Variants in DACH1 observed in about 807,000 individuals in gnomAD.
The protein encoded by DACH1 is dachshund homolog 1.
A neutral mutation model predicts 54.2 loss-of-function variants in DACH1; 12 were observed. The observed-to-expected ratio is 0.22, with a 90% confidence interval of 0.14 to 0.36. DACH1 has a LOEUF of 0.36. DACH1 is among the 10% of genes least tolerant of loss of function. The probability of loss-of-function intolerance (pLI) is 1.00; values close to 1 mark genes in which losing one functional copy is unlikely to be tolerated. For missense variants in DACH1, 805 were observed against 929.8 expected (o/e 0.87, Z 1.75); for synonymous variants, 386 against 366.2 (o/e 1.05, Z -0.62).
At chr13:71,743,089 T>G (rs9572777) in intron 1 of DACH1, among the ~76,000 whole-genome samples, 14,750 of 152,136 alleles carry the variant, frequency 0.097, 1,236 homozygotes, top group East Asian at 0.31. Context: ...TCCAATTGCA[T>G]AGAGACCAAG....
intron 6 of DACH1, among the ~76,000 whole-genome samples, chr13:71,555,580 A>T (rs531668605): frequency 1.4e-4 from 22 of 152,120 alleles, no homozygotes; most frequent in Admixed American, 1.4e-3. Flanking sequence ...TGACCTCGTG[A>T]TCTGCCTGCC....
chr13:71,675,104 G>A (rs1291930408), intron 2 of DACH1: 3 of 1,575,812 alleles, frequency 1.9e-6, no homozygotes, highest in African/African-American at 2.7e-5. Flanking sequence ...TCGACCGGTG[G>A]TAAAGCACCC....
chr13:71,853,735 CAAATGA>C (rs1270411429), intron 1 of DACH1, among the ~76,000 whole-genome samples: 2 of 152,108 alleles, frequency 1.3e-5, no homozygotes, highest in Non-Finnish European at 2.9e-5. Flanking sequence ...TCCTTTCAAT[CAAATGA>C]AAAAGTAGAA....
At chr13:71,683,009 G>A (rs1055771777) in intron 1 of DACH1, among the ~76,000 whole-genome samples, 10 of 152,066 alleles carry the variant, frequency 6.6e-5, no homozygotes, top group African/African-American at 2.2e-4. Flanking sequence ...TCATAAATAA[G>A]CATTTTCATG....
intron 7 of DACH1, among the ~76,000 whole-genome samples, chr13:71,486,392 T>C (rs1466382959): frequency 6.6e-6 from 1 of 152,120 alleles, no homozygotes; most frequent in African/African-American, 2.4e-5. Flanking sequence ...ATTACCCATA[T>C]TAGAATTTGG....
rs141686986 is a variant in DACH1 at position 71,573,793 on chromosome 13, G to A, written c.1127-781C>T. On this transcript the variant is annotated intron_variant, in intron 3 of 10. Coordinates refer to ENST00000613252, the MANE Select transcript of DACH1 (RefSeq NM_080759.6). Reference sequence around the variant, plus strand: ...CAAAATTAAAAAAATATATATTCCGGCAACATTTAACCTAGTGGTGGAGTC... The same window carrying A: ...CAAAATTAAAAAAATATATATTCCGACAACATTTAACCTAGTGGTGGAGTC... Among the ~76,000 whole-genome samples the A allele has an allele frequency of 6.5e-3, 989 of 151,970 alleles. 6 individuals carry two copies. Among genetic ancestry groups the A allele is most frequent in the Middle Eastern group, 0.014 (4 of 294 alleles).
chr13:71,630,661 C>T lies in DACH1; in HGVS notation c.1021G>A (p.Ala341Thr). ...AATTTGATTTTTTTCACCTTCATTGCTTCAGCAATAGCTGCATTGGTAGCA... is the reference window on the plus strand; with the variant it reads ...AATTTGATTTTTTTCACCTTCATTGTTTCAGCAATAGCTGCATTGGTAGCA... ...AAATNAAIAE[A>T]MKVKKIKLEA... Residue 341 changes from alanine (A) to threonine (T), a missense_variant, in exon 3 of 11, where the codon GCA becomes ACA. Transcript: ENST00000613252. The T allele has an allele frequency of 6.2e-7, 1 of 1,611,708 alleles. No homozygotes were observed. Among genetic ancestry groups the T allele is most frequent in the South Asian group, 1.1e-5 (1 of 90,702 alleles).
chr13:71,821,718 CCA>C (rs1368595183), intron 1 of DACH1, among the ~76,000 whole-genome samples: 1 of 152,012 alleles, frequency 6.6e-6, no homozygotes, highest in Non-Finnish European at 1.5e-5. Flanking sequence ...TTTAAGATAT[CCA>C]CAGTCTCTTT....
At chr13:71,517,746 C>T (rs1030250888) in intron 6 of DACH1, among the ~76,000 whole-genome samples, 1 of 151,846 alleles carries the variant, frequency 6.6e-6, no homozygotes, top group South Asian at 2.1e-4. Flanking sequence ...TGAAGCATTG[C>T]TTCTTATTCC....
intron 2 of DACH1, among the ~76,000 whole-genome samples, chr13:71,664,027 G>C (rs1038115796): frequency 2.0e-5 from 3 of 151,910 alleles, no homozygotes; most frequent in Non-Finnish European, 4.4e-5. Flanking sequence ...AATCTCCAGT[G>C]TGAAGTAGAT....
chr13:71,788,347 G>A (rs1397627180), intron 1 of DACH1, among the ~76,000 whole-genome samples: 1 of 152,070 alleles, frequency 6.6e-6, no homozygotes, highest in African/African-American at 2.4e-5. Flanking sequence ...GACTCTTATA[G>A]CCAGTTTCTG....
chr13:71,440,594 A>G lies in DACH1; in HGVS notation c.*61T>C. On this transcript the variant is annotated 3_prime_UTR_variant, in exon 11 of 11. Coordinates refer to ENST00000613252, the MANE Select transcript of DACH1 (RefSeq NM_080759.6). The stretch of plus-strand genomic sequence containing the variant: ...ACTTTATTTTTTTCTGAACTTTCCC[A>G]TGACGAATGTCTGACTGCAAAGTTC... 1 of 1,369,536 alleles carries G rather than the reference A, an allele frequency of 7.3e-7. No homozygotes were observed. Among genetic ancestry groups the G allele is most frequent in the Non-Finnish European group, 1.0e-6 (1 of 983,136 alleles). The allele number at this position is 1,369,536 out of a possible 1,614,324, so 84.8% of individuals were successfully genotyped here.
intron 1 of DACH1, among the ~76,000 whole-genome samples, chr13:71,807,942 G>A (rs568058523): frequency 6.6e-6 from 1 of 152,198 alleles, no homozygotes; most frequent in Admixed American, 6.5e-5. Context: ...TTTTCCTGAT[G>A]TTAATGTCAA....
At chr13:71,856,100 G>T (rs1396263487) in intron 1 of DACH1, among the ~76,000 whole-genome samples, 1 of 151,766 alleles carries the variant, frequency 6.6e-6, no homozygotes, top group African/African-American at 2.4e-5. Flanking sequence ...AATTTCTTAA[G>T]AATAAAGGTA....
chr13:71,550,298 C>T (rs1883725494), intron 6 of DACH1, among the ~76,000 whole-genome samples: 1 of 152,032 alleles, frequency 6.6e-6, no homozygotes, highest in African/African-American at 2.4e-5. Flanking sequence ...CTGAAAAGAA[C>T]TTTATTGTAC....
chr13:71,826,896 G>T (rs2138196484), intron 1 of DACH1, among the ~76,000 whole-genome samples: 1 of 152,034 alleles, frequency 6.6e-6, no homozygotes. Flanking sequence ...CTATTAGCTG[G>T]AATAGGGAAG....
At chr13:71,774,476 A>T (rs1033519615) in intron 1 of DACH1, among the ~76,000 whole-genome samples, 1 of 152,134 alleles carries the variant, frequency 6.6e-6, no homozygotes, top group Non-Finnish European at 1.5e-5. Context: ...AAGTCCTGCC[A>T]TCCCACTACA....
At chr13:71,457,857 T>A (rs1358472592) in intron 10 of DACH1, among the ~76,000 whole-genome samples, 1 of 151,910 alleles carries the variant, frequency 6.6e-6, no homozygotes, top group Admixed American at 6.6e-5. Flanking sequence ...CTGCTTCATA[T>A]CTCCTGAGGT....
intron 6 of DACH1, 117 bp from the exon 7 acceptor site, chr13:71,489,265 T>C (rs1566291922): frequency 1.7e-6 from 2 of 1,167,954 alleles, no homozygotes; most frequent in Non-Finnish European, 2.4e-6. Flanking sequence ...GTTCCTGCTA[T>C]CAGGAGAAAA....
Sources: gnomAD v4.1 joint callset for allele counts (sites outside exome capture counted in the v4.1 genomes callset) on GRCh38, gnomAD v4.1.1 for gene constraint, MANE v1.5 for transcripts, NCBI Gene and HGNC (gene_info 2026-07-23, HGNC 2026-07-21) for gene names.